PRKCE: variants seen among roughly 807,000 people sequenced by gnomAD.
The protein encoded by PRKCE is protein kinase C epsilon type.
A neutral mutation model predicts 85.4 loss-of-function variants in PRKCE; 16 were observed. That is an observed-to-expected ratio of 0.19 (90% CI 0.13 to 0.28). The LOEUF (loss-of-function observed/expected upper bound fraction) is 0.28. Among genes scored for constraint, PRKCE ranks in the 10% least tolerant of loss-of-function variants. The pLI, the probability that PRKCE is intolerant of heterozygous loss-of-function variation, is 1.00. For synonymous variants in PRKCE, 388 were observed against 371.5 expected (o/e 1.04, Z -0.51); for missense variants, 573 against 975.2 (o/e 0.59, Z 5.49).
In PRKCE at chr2:46,018,732, ATATATT is replaced by A. The variant is rs145022886; in HGVS notation, c.1437+8220_1437+8225del. On this transcript the variant is annotated intron_variant, in intron 10 of 14. Transcript: ENST00000306156. ...GAAAAGTACATGTCTGTTCATACAT[ATATATT>A]TATAACATCAGTATCATACTCTATG... 1.0e-3 allele frequency among the ~76,000 whole-genome samples: 152 copies of A among 152,372 alleles called. 1 individual carries two copies. Among genetic ancestry groups the A allele is most frequent in the Non-Finnish European group, 1.8e-3 (122 of 68,036 alleles).
At chr2:45,801,174 G>A (rs1229643484) in intron 1 of PRKCE, among the ~76,000 whole-genome samples, 8 of 152,218 alleles carry the variant, frequency 5.3e-5, no homozygotes, top group African/African-American at 1.9e-4. Context: ...TTAGCCACAT[G>A]TGGGGACTGA....
chr2:45,733,024 G>A (rs1253023835), intron 1 of PRKCE, among the ~76,000 whole-genome samples: 1 of 152,232 alleles, frequency 6.6e-6, no homozygotes, highest in East Asian at 1.9e-4. Flanking sequence ...CCATTGTAGT[G>A]CAAAAGCAGC....
intron 14 of PRKCE, among the ~76,000 whole-genome samples, chr2:46,174,166 C>T (rs1029998243): frequency 7.2e-5 from 11 of 152,224 alleles, no homozygotes; most frequent in Non-Finnish European, 1.3e-4. Context: ...GGGGAAGGGG[C>T]CTGTGAGGCC....
At chr2:45,700,007 G>A (rs1194436651) in intron 1 of PRKCE, among the ~76,000 whole-genome samples, 1 of 152,144 alleles carries the variant, frequency 6.6e-6, no homozygotes, top group Non-Finnish European at 1.5e-5. Flanking sequence ...AAATTGGGCT[G>A]TTGAGGGGAG....
At chr2:45,926,400 A>G (rs1698617972) in intron 2 of PRKCE, among the ~76,000 whole-genome samples, 1 of 152,178 alleles carries the variant, frequency 6.6e-6, no homozygotes. Context: ...AGCTGGTGAA[A>G]TCAGTGAGTT....
chr2:46,173,035 A>G (rs1018006607), intron 14 of PRKCE, among the ~76,000 whole-genome samples: 4 of 152,224 alleles, frequency 2.6e-5, no homozygotes, highest in African/African-American at 9.7e-5. Flanking sequence ...ACTGTTCTAT[A>G]TTCTACCAGG....
intron 12 of PRKCE, 22 bp from the exon 13 acceptor site, chr2:46,151,019 A>T: frequency 6.3e-7 from 1 of 1,584,520 alleles, no homozygotes; most frequent in Non-Finnish European, 8.6e-7. Flanking sequence ...ATGGTGCCTG[A>T]CATTGCTGGT....
chr2:45,968,296 G>C (rs1701870601), intron 2 of PRKCE, among the ~76,000 whole-genome samples: 1 of 152,120 alleles, frequency 6.6e-6, no homozygotes, highest in Admixed American at 6.5e-5. Flanking sequence ...CCATAATAAA[G>C]TATGAAATAA....
At chr2:46,017,984 C>T (rs754018121) in intron 10 of PRKCE, among the ~76,000 whole-genome samples, 13 of 152,194 alleles carry the variant, frequency 8.5e-5, no homozygotes, top group Non-Finnish European at 1.9e-4. Context: ...CCTCCAAATC[C>T]CCTCTTCCCC....
intron 1 of PRKCE, among the ~76,000 whole-genome samples, chr2:45,696,811 T>A (rs1678191356): frequency 6.6e-6 from 1 of 152,158 alleles, no homozygotes; most frequent in African/African-American, 2.4e-5. Context: ...AAGCTTTTCA[T>A]TAGACTTTTA....
In PRKCE at chr2:46,149,715, T is replaced by A. The variant is rs1008652367; in HGVS notation, c.1732-1326T>A. 5.5e-3 allele frequency among the ~76,000 whole-genome samples: 111 copies of A among 20,034 alleles called. 1 individual carries two copies. The highest frequency in any genetic ancestry group is 6.6e-3 in the African/African-American group (107 of 16,306). The allele number at this position is 20,034 out of a possible 152,430, so 13.1% of individuals were successfully genotyped here. On this transcript the variant is annotated intron_variant, in intron 12 of 14. Coordinates refer to ENST00000306156, the MANE Select transcript of PRKCE (RefSeq NM_005400.3). ...TCTCCATATATATATATATGTATTTTTATATATATGTATTTATATATATGT... is the reference window on the plus strand; with the variant it reads ...TCTCCATATATATATATATGTATTTATATATATATGTATTTATATATATGT...
At chr2:46,086,865 G>A (rs1669693120) in intron 11 of PRKCE, among the ~76,000 whole-genome samples, 1 of 152,118 alleles carries the variant, frequency 6.6e-6, no homozygotes, top group Non-Finnish European at 1.5e-5. Flanking sequence ...ATGGGAACTA[G>A]ACAATATCCA....
intron 10 of PRKCE, among the ~76,000 whole-genome samples, chr2:46,013,812 T>C (rs1397906193): frequency 1.3e-5 from 2 of 152,258 alleles, no homozygotes; most frequent in African/African-American, 4.8e-5. Flanking sequence ...GAAACATTCC[T>C]TTGAGAACTT....
chr2:45,781,295 C>T (rs900834453), intron 1 of PRKCE, among the ~76,000 whole-genome samples: 1 of 152,180 alleles, frequency 6.6e-6, no homozygotes, highest in Non-Finnish European at 1.5e-5. Context: ...CGTGATCGCA[C>T]CATTGCATTC....
chr2:46,150,584 G>C (rs1372408440), intron 12 of PRKCE, among the ~76,000 whole-genome samples: 1 of 152,176 alleles, frequency 6.6e-6, no homozygotes, highest in Non-Finnish European at 1.5e-5. Flanking sequence ...ATTTAAAGAA[G>C]ACCTCTGCTC....
intron 1 of PRKCE, among the ~76,000 whole-genome samples, chr2:45,732,368 A>G (rs1681654248): frequency 6.6e-6 from 1 of 152,178 alleles, no homozygotes; most frequent in Non-Finnish European, 1.5e-5. Flanking sequence ...ATATGTTAGT[A>G]TCAACTCACA....
chr2:46,086,345 G>A lies in PRKCE; in HGVS notation c.1575G>A (p.Gln525=). 6.3e-7 allele frequency: 1 copy of A among 1,599,318 alleles called. No individual in the cohort carries two copies. The highest frequency in any genetic ancestry group is 1.7e-5 in the Admixed American group (1 of 59,974). ...CATCGGCCCTCATGTTCCTCCACCAGCATGGAGTCATCTACAGGTAGCCTC... is the reference window on the plus strand; with the variant it reads ...CATCGGCCCTCATGTTCCTCCACCAACATGGAGTCATCTACAGGTAGCCTC... ...EVTSALMFLH[Q]HGVIYRDLKL... The change falls in exon 11 of 15, where the codon CAG becomes CAA. Residue 525 remains glutamine (Q), a synonymous_variant. Transcript: ENST00000306156.
chr2:45,737,702 A>G (rs1463056971), intron 1 of PRKCE, among the ~76,000 whole-genome samples: 1 of 152,018 alleles, frequency 6.6e-6, no homozygotes, highest in Non-Finnish European at 1.5e-5. Context: ...TGCTCTCTGC[A>G]TGTCCCCTTG....
At chr2:45,731,315 T>C (rs1220274134) in intron 1 of PRKCE, among the ~76,000 whole-genome samples, 2 of 152,144 alleles carry the variant, frequency 1.3e-5, no homozygotes, top group Non-Finnish European at 2.9e-5. Flanking sequence ...TTCCTTGTGG[T>C]TTTCTGGTCA....
Sources: allele counts gnomAD v4.1 joint callset (sites outside exome capture counted in the v4.1 genomes callset), GRCh38; gene constraint gnomAD v4.1.1; transcripts MANE v1.5; gene names NCBI Gene and HGNC (gene_info 2026-07-23, HGNC 2026-07-21).